CCDC33: variants seen among roughly 807,000 people sequenced by gnomAD.
CCDC33 encodes the protein coiled-coil domain-containing protein 33.
Under a neutral mutation model 91.9 loss-of-function variants are expected in CCDC33, and 94 were observed. That is an observed-to-expected ratio of 1.02 (90% confidence interval 0.87 to 1.21). The LOEUF (loss-of-function observed/expected upper bound fraction) is 1.21, where lower values mean the gene tolerates loss of function less well. Among genes scored for constraint, CCDC33 ranks in the 50% most tolerant of loss-of-function variants. CCDC33 has a pLI of 0.00. For missense variants in CCDC33, 940 were observed against 935.5 expected (o/e 1.00, Z -0.06); for synonymous variants, 396 against 374.5 (o/e 1.06, Z -0.66).
intron 11 of CCDC33, chr15:74,318,635 C>T (rs1316952271): frequency 1.3e-6 from 1 of 768,770 alleles, no homozygotes; most frequent in Non-Finnish European, 2.4e-6. Flanking sequence ...CAAGGCTGCC[C>T]CAGGCCTCAT....
At chr15:74,268,499 G>GC in intron 5 of CCDC33, 41 bp downstream of exon 5, 5 of 1,236,340 alleles carry the variant, frequency 4.0e-6, no homozygotes, top group East Asian at 2.8e-5. Flanking sequence ...GTGGGGGTGG[G>GC]AAAGGGCCAA....
At chr15:74,314,673 G>A (rs1461227074) in intron 11 of CCDC33, among the ~76,000 whole-genome samples, 1 of 152,226 alleles carries the variant, frequency 6.6e-6, no homozygotes. Context: ...GCTCCAAGCT[G>A]TGGTGGAGCA....
chr15:74,314,643 C>T (rs765403365), intron 11 of CCDC33, among the ~76,000 whole-genome samples: 8 of 152,170 alleles, frequency 5.3e-5, no homozygotes, highest in African/African-American at 1.2e-4. Flanking sequence ...GGCATCATGA[C>T]GAGCCCTTTC....
In CCDC33 at chr15:74,288,526, A is replaced by G. The variant is rs143117224; in HGVS notation, c.1095+6677A>G. Among the ~76,000 whole-genome samples, 333 of 152,306 alleles carry G rather than the reference A, an allele frequency of 2.2e-3. 3 individuals carry two copies. The highest frequency in any genetic ancestry group is 7.5e-3 in the African/African-American group (310 of 41,568). ...TAGCTTTGGTTCTATTTTAGTATTT[A>G]TCAAAGCAGTGAGGGTCTGTTTAGA... is the stretch of plus-strand genomic sequence containing the variant. On this transcript the variant is annotated intron_variant, in intron 10 of 18. Coordinates refer to ENST00000398814, the MANE Select transcript of CCDC33 (RefSeq NM_025055.5).
chr15:74,233,274 C>A (rs1414236541), upstream of CCDC33, among the ~76,000 whole-genome samples: 1 of 152,228 alleles, frequency 6.6e-6, no homozygotes, highest in Non-Finnish European at 1.5e-5. Flanking sequence ...CCTGCCCCTC[C>A]TTTGATTATT....
rs186084277 is a variant in CCDC33 at position 74,287,005 on chromosome 15, A to T, written c.1095+5156A>T. Among the ~76,000 whole-genome samples, 3 of 152,308 alleles carry T rather than the reference A, an allele frequency of 2.0e-5. No individual in the cohort carries two copies. The East Asian group carries it at 5.8e-4, about 29-fold the overall frequency. On this transcript the variant is annotated intron_variant, in intron 10 of 18. Transcript: ENST00000398814. Reference sequence around the variant, plus strand: ...AAGATCTCTCTGGAGACCAGCCCAGAGTGAGGACAAGTGGCCACTTAGCAA... The same window carrying T: ...AAGATCTCTCTGGAGACCAGCCCAGTGTGAGGACAAGTGGCCACTTAGCAA...
intron 10 of CCDC33, among the ~76,000 whole-genome samples, chr15:74,291,586 A>T (rs1237390349): frequency 6.6e-6 from 1 of 152,230 alleles, no homozygotes; most frequent in African/African-American, 2.4e-5. Context: ...AATTAAGAGC[A>T]TGTGCGCTCC....
At chr15:74,308,102 C>T (rs1029653730) in intron 11 of CCDC33, among the ~76,000 whole-genome samples, 4 of 152,092 alleles carry the variant, frequency 2.6e-5, no homozygotes, top group African/African-American at 9.7e-5. Context: ...CCCTTGGGAC[C>T]ACTGACTCCT....
At chr15:74,209,961 A>G (rs2074345409) in intron 2 of CCDC33, among the ~76,000 whole-genome samples, 2 of 152,184 alleles carry the variant, frequency 1.3e-5, no homozygotes, top group South Asian at 4.1e-4. Context: ...AGGCTTTTGT[A>G]TGTGAGATTG....
intron 2 of CCDC33, among the ~76,000 whole-genome samples, chr15:74,229,580 A>T (rs1427112771): frequency 1.3e-5 from 2 of 152,244 alleles, no homozygotes; most frequent in African/African-American, 4.8e-5. Context: ...AACGTATGTA[A>T]AACACACAGA....
intron 11 of CCDC33, among the ~76,000 whole-genome samples, chr15:74,324,112 A>T (rs1488825825): frequency 7.1e-6 from 1 of 140,970 alleles, no homozygotes; most frequent in East Asian, 2.1e-4. Context: ...AAAAAAAAAA[A>T]GTGTGAGCCA....
Position 74,268,444 on chromosome 15 carries a change from C to T in CCDC33, c.532C>T (p.His178Tyr). The change falls in exon 5 of 19, where the codon CAC becomes TAC. Residue 178 changes from histidine to tyrosine, a missense_variant. By Grantham distance (83) the His-to-Tyr change is moderately conservative (BLOSUM62 2). Coordinates refer to ENST00000398814, the MANE Select transcript of CCDC33 (RefSeq NM_025055.5). ...CATACCCCGCTACATCGGCTGCAAC[C>T]ACATGGCTCTGGAGGTACCAGGGCT... Reference protein sequence around the residue: ...SFIPRYIGCNHMALEIFLRGV... With the variant: ...SFIPRYIGCNYMALEIFLRGV... 6.3e-7 allele frequency: 1 copy of T among 1,590,448 alleles called. No individual in the cohort carries two copies. The highest frequency in any genetic ancestry group is 2.4e-5 in the East Asian group (1 of 41,690).
chr15:74,250,872 G>T (rs1030937334), intron 2 of CCDC33, among the ~76,000 whole-genome samples: 2 of 152,246 alleles, frequency 1.3e-5, no homozygotes, highest in African/African-American at 4.8e-5. Flanking sequence ...GGGCTATAGA[G>T]ATGGTGGTGC....
At chr15:74,256,290 A>G (rs1203446750) in intron 2 of CCDC33, among the ~76,000 whole-genome samples, 1 of 152,206 alleles carries the variant, frequency 6.6e-6, no homozygotes, top group African/African-American at 2.4e-5. Flanking sequence ...ACTGAACACC[A>G]CACGAGTTAA....
At chr15:74,279,545 A>C (rs904274566) in intron 7 of CCDC33, among the ~76,000 whole-genome samples, 1 of 151,286 alleles carries the variant, frequency 6.6e-6, no homozygotes, top group African/African-American at 2.4e-5. Flanking sequence ...TATTTATTTT[A>C]TTTATTTAGA....
At chr15:74,327,805 T>C (rs2930305) in intron 11 of CCDC33, among the ~76,000 whole-genome samples, 95,677 of 152,096 alleles carry the variant, frequency 0.63, 30,719 homozygotes, top group Non-Finnish European at 0.7. Flanking sequence ...TCCATGAGCA[T>C]GCTCACAACC....
chr15:74,255,280 T>TG (rs146014168), intron 2 of CCDC33, among the ~76,000 whole-genome samples: 5,032 of 152,216 alleles, frequency 0.033, 251 homozygotes, highest in African/African-American at 0.11. Context: ...AGCTCAGAGA[T>TG]GCTTAGGGGA....
At chr15:74,298,180 T>C (rs968553160) in intron 11 of CCDC33, among the ~76,000 whole-genome samples, 1 of 152,154 alleles carries the variant, frequency 6.6e-6, no homozygotes, top group Non-Finnish European at 1.5e-5. Context: ...CTTAATACCA[T>C]GGATTTGTCT....
intron 7 of CCDC33, 80 bp from the exon 8 acceptor site, chr15:74,279,883 C>A (rs201820602): frequency 2.6e-6 from 4 of 1,537,378 alleles, no homozygotes; most frequent in Non-Finnish European, 3.5e-6. Context: ...AATCTAGATA[C>A]ACAAAACCAA....
Sources: gnomAD v4.1 joint callset for allele counts (sites outside exome capture counted in the v4.1 genomes callset) on GRCh38, gnomAD v4.1.1 for gene constraint, MANE v1.5 for transcripts, NCBI Gene and HGNC (gene_info 2026-07-23, HGNC 2026-07-21) for gene names.